The following ACAP3 variants were observed in gnomAD, a reference collection of about 807,000 sequenced individuals.
The protein encoded by ACAP3 is ArfGAP with coiled-coil, ankyrin repeat and PH domains 3, also known as arf-GAP with coiled-coil, ANK repeat and PH domain-containing protein 3.
A neutral mutation model predicts 104.1 loss-of-function variants in ACAP3; 56 were observed. The ratio of observed to expected loss-of-function variants is 0.54; its 90% CI spans 0.43 to 0.67. The LOEUF is 0.67. ACAP3 is among the 30% of genes least tolerant of loss of function. The pLI is 0.00. For missense variants in ACAP3, 1,208 were observed against 1,174.9 expected, an observed-to-expected ratio of 1.03 and a Z score of -0.41; for synonymous variants, 628 against 496.2, an observed-to-expected ratio of 1.27 and a Z score of -3.53.
Position 1,303,642 on chromosome 1 carries a change from T to C in ACAP3, c.106-361A>G. On this transcript the variant is annotated intron_variant, in intron 2 of 23. Coordinates refer to ENST00000354700, the MANE Select transcript of ACAP3 (RefSeq NM_030649.3). The surrounding 1 kb of genome is among the most constrained non-coding windows in gnomAD (Gnocchi z 4.0). ...TCTTTCTCAGCCCATGTGGGGCTCA[T>C]GGACACGGCTCCCCTCTCCACGGCC... 2.4e-6 allele frequency: 1 copy of C among 410,710 alleles called. No homozygotes were observed. Among genetic ancestry groups the C allele is most frequent in the Non-Finnish European group, 4.5e-6 (1 of 224,624 alleles). 25.4% of individuals were successfully genotyped at this position (410,710 alleles called of 1,614,324 possible).
rs1307037435 is a variant in ACAP3, at chr1:1,298,048, C to T, written c.981G>A (p.Glu327=). ...ACAGCACCTCGAAGCAGAACCTCCG[C>T]TCGATGTCCTCACACGGCTTCACAG... ...LCSVKPCEDI[E]RRFCFEVLSP... The change falls in exon 13 of 24, where the codon GAG becomes GAA. Residue 327 remains glutamate (E), a synonymous_variant. Coordinates refer to ENST00000354700, the MANE Select transcript of ACAP3 (RefSeq NM_030649.3). 4.3e-6 allele frequency: 7 copies of T among 1,611,540 alleles called. No homozygotes were observed. The South Asian group carries it at 4.4e-5, about 10-fold the overall frequency.
chr1:1,293,746 A>AGGCCCCGCCCCTGCCCTGGT, intron 23 of ACAP3, 38 bp from the exon 24 acceptor site: 1 of 1,449,580 alleles, frequency 6.9e-7, no homozygotes, highest in Non-Finnish European at 9.0e-7. Flanking sequence ...CCTGCCCTGG[A>AGGCCCCGCCCCTGCCCTGGT]GGCCCCGCCC....
chr1:1,294,639 G>A lies in ACAP3; in HGVS notation c.1913-11C>T, dbSNP rs1248318688. Reference sequence around the variant, plus strand: ...CCGACTCTGCACCCTCTGTGGGGAGGGGGCGGTCAGGGAAAGCAACCCCCG... The same window carrying A: ...CCGACTCTGCACCCTCTGTGGGGAGAGGGCGGTCAGGGAAAGCAACCCCCG... On this transcript the variant is annotated splice_polypyrimidine_tract_variant and intron_variant, in intron 20 of 23. Transcript: ENST00000354700. 7 of 1,529,364 alleles carry A rather than the reference G, an allele frequency of 4.6e-6. 1 individual carries two copies. In the South Asian group the frequency reaches 6.1e-5, roughly 13 times the overall value. The allele number at this position is 1,529,364 out of a possible 1,614,324, so 94.7% of individuals were successfully genotyped here.
Position 1,294,728 on chromosome 1 carries a change from G to T in ACAP3, c.1902C>A (p.Val634=). The part of the protein sequence containing the change: ...AFGSGSVVDS[V]TEEEGAESEE... ...CAAGACGCCACCCACCCTCCTCAGTGACGCTGTCCACCACAGAGCCCGAGC... is the reference window on the plus strand; with the variant it reads ...CAAGACGCCACCCACCCTCCTCAGTTACGCTGTCCACCACAGAGCCCGAGC... Residue 634 remains valine (V), a synonymous_variant, in exon 20 of 24, where the codon GTC becomes GTA. Transcript: ENST00000354700. 6.5e-7 allele frequency: 1 copy of T among 1,549,640 alleles called. No individual in the cohort carries two copies. The highest frequency in any genetic ancestry group is 8.7e-7 in the Non-Finnish European group (1 of 1,146,650).
Position 1,294,080 on chromosome 1 carries a change from C to A in ACAP3, c.2249+10G>T. The A allele has an allele frequency of 3.2e-6, 5 of 1,556,560 alleles. No individual in the cohort carries two copies. Among genetic ancestry groups the A allele is most frequent in the Middle Eastern group, 1.7e-4 (1 of 5,942 alleles). On this transcript the variant is annotated intron_variant, in intron 22 of 23. Transcript: ENST00000354700. ...GGGGCACAGGGCGGGGCGTGGGTTGCGCGTCTCACCCGGTGCGGCCCAGCA... is the reference window on the plus strand; with the variant it reads ...GGGGCACAGGGCGGGGCGTGGGTTGAGCGTCTCACCCGGTGCGGCCCAGCA...
chr1:1,307,673 C>A, intron 1 of ACAP3, 96 bp downstream of exon 1: 1 of 1,033,038 alleles, frequency 9.7e-7, no homozygotes, highest in Non-Finnish European at 1.2e-6. Context: ...CGGCCGCGGC[C>A]CGGCCCGGCG....
chr1:1,300,256 C>A, intron 6 of ACAP3, 54 bp from the exon 7 acceptor site: 1 of 1,540,392 alleles, frequency 6.5e-7, no homozygotes. Flanking sequence ...AGCCCCAAGC[C>A]CTGCACCTGC....
At chr1:1,295,612 C>T in intron 18 of ACAP3, 58 bp from the exon 19 acceptor site, 2 of 1,580,700 alleles carry the variant, frequency 1.3e-6, no homozygotes, top group Non-Finnish European at 1.7e-6. Context: ...GCAGGGAACC[C>T]CAGGTCACGC....
At chr1:1,298,957 G>C (rs1004221908) in intron 10 of ACAP3, 46 of 548,322 alleles carry the variant, frequency 8.4e-5, no homozygotes, top group African/African-American at 8.4e-4. Context: ...AGCAGGCTGC[G>C]ATCAGGAAGG....
chr1:1,296,614 G>A lies in ACAP3; in HGVS notation c.1148C>T (p.Ser383Phe). The A allele has an allele frequency of 1.3e-6, 2 of 1,537,550 alleles. No homozygotes were observed. Among genetic ancestry groups the A allele is most frequent in the African/African-American group, 1.4e-5 (1 of 73,110 alleles). ...CYSERLDRTA[S>F]PSTSSIDSAT... Reference sequence around the variant, plus strand: ...GGAGTCGATGCTGCTCGTGGACGGGGATGCTGTGCGGTCCAGCCTCTGGAG... The same window carrying A: ...GGAGTCGATGCTGCTCGTGGACGGGAATGCTGTGCGGTCCAGCCTCTGGAG... Residue 383 changes from serine (S) to phenylalanine (F), a missense_variant, in exon 15 of 24, where the codon TCC becomes TTC. Transcript: ENST00000354700.
In ACAP3 at chr1:1,298,378, T is replaced by G. The variant is rs774049728; in HGVS notation, c.907A>C (p.Lys303Gln). Residue 303 changes from lysine to glutamine, a missense_variant, in exon 12 of 24, where the codon AAG becomes CAG. Physicochemically the swap from Lys to Gln is moderately conservative, Grantham distance 53. Transcript: ENST00000354700. ...CCAGGCCCAGGGCACACCTTGAGCT[T>G]CTTCTGGTAGACCAGCTGGCTGTTC... is the stretch of plus-strand genomic sequence containing the variant. ...IQNSQLVYQK[K>Q]LKDALTVVVD... 20 of 1,603,840 alleles carry G rather than the reference T, an allele frequency of 1.2e-5. No homozygotes were observed. The highest frequency in any genetic ancestry group is 5.4e-5 in the African/African-American group (4 of 74,514).
chr1:1,294,329 G>A, intron 21 of ACAP3, 73 bp downstream of exon 21: 2 of 1,517,710 alleles, frequency 1.3e-6, no homozygotes, highest in Admixed American at 4.2e-5. Flanking sequence ...GGCGACCCTT[G>A]TGTGGGCGCC....
At position 1,294,522 on chromosome 1, in the gene ACAP3, G is replaced by C. The variant is rs1467968072; in HGVS notation, c.2019C>G (p.His673Gln). 6.7e-7 allele frequency: 1 copy of C among 1,502,798 alleles called. No individual in the cohort carries two copies. The highest frequency in any genetic ancestry group is 8.8e-7 in the Non-Finnish European group (1 of 1,135,670). The allele number at this position is 1,502,798 out of a possible 1,614,324, so 93.1% of individuals were successfully genotyped here. A position where few individuals can be genotyped will look rare whatever the true frequency, so the allele number is the denominator to read the frequency against. The part of the protein sequence containing the change: ...VRELHPGLLA[H>Q]RAARARDLPA... ...GAAGGTCGCGGGCACGCGCTGCGCG[G>C]TGCGCCAAGAGCCCCGGGTGCAGCT... Residue 673 changes from histidine to glutamine, a missense_variant, in exon 21 of 24, where the codon CAC (histidine) becomes CAG (glutamine). His to Gln is a conservative substitution (Grantham distance 24). Transcript: ENST00000354700.
At chr1:1,300,368 TC>T (rs1055320120) in intron 6 of ACAP3, 140 bp downstream of exon 6, 1 of 1,231,570 alleles carries the variant, frequency 8.1e-7, no homozygotes, top group Non-Finnish European at 1.1e-6. Context: ...CTGGACTGCT[TC>T]CCCATGTCTG....
intron 1 of ACAP3, chr1:1,306,935 C>G (rs1641742690): frequency 2.6e-6 from 1 of 381,962 alleles, no homozygotes; most frequent in African/African-American, 2.1e-5. Context: ...GAAGCAAGCA[C>G]AGCCCCGTGG....
intron 10 of ACAP3, 86 bp from the exon 11 acceptor site, chr1:1,298,765 G>A: frequency 9.7e-7 from 1 of 1,036,254 alleles, no homozygotes; most frequent in South Asian, 1.3e-5. Flanking sequence ...GTGGGGGTGA[G>A]GTCCTTGTCT....
Position 1,302,028 on chromosome 1 carries a change from G to T in ACAP3, c.298C>A (p.Gln100Lys). ...NYHMILFDQA[Q>K]RSVRQQLQSF... ...TGGAGCTGCTGCCGCACGGACCTCT[G>T]GGCCTGGTCAAACAGGATCTGGGGG... Residue 100 changes from glutamine (Q) to lysine (K), a missense_variant, in exon 5 of 24, where the codon CAG becomes AAG. Gln to Lys is a moderately conservative substitution (Grantham distance 53, BLOSUM62 1). Coordinates refer to ENST00000354700, the MANE Select transcript of ACAP3 (RefSeq NM_030649.3). 1.3e-6 allele frequency: 2 copies of T among 1,565,426 alleles called. No homozygotes were observed. The highest frequency in any genetic ancestry group is 1.7e-6 in the Non-Finnish European group (2 of 1,152,872).
Position 1,298,553 on chromosome 1 carries a change from G to A in ACAP3, c.863+14C>T, listed in dbSNP as rs776978250. 2.6e-6 allele frequency: 4 copies of A among 1,511,250 alleles called. No individual in the cohort carries two copies. Among genetic ancestry groups the A allele is most frequent in the Non-Finnish European group, 3.6e-6 (4 of 1,100,468 alleles). The allele number at this position is 1,511,250 out of a possible 1,614,324, so 93.6% of individuals were successfully genotyped here. On this transcript the variant is annotated intron_variant, in intron 11 of 23. Coordinates refer to ENST00000354700, the MANE Select transcript of ACAP3 (RefSeq NM_030649.3). ...GCCTAAGGACCCCGCCCCCACCTGA[G>A]GAAGGCCTCTCACCGGTTCCATGTC...
rs375269743 is a variant in ACAP3, at chr1:1,304,112, C to A, written c.79G>T (p.Val27Leu). The A allele has an allele frequency of 2.9e-4, 449 of 1,550,634 alleles. No individual in the cohort carries two copies. Among genetic ancestry groups the A allele is most frequent in the Non-Finnish European group, 3.8e-4 (433 of 1,146,902 alleles). ...TTGTCCAGTTTGGCCTCAATCTCCA[C>A]CACGTCCGTCTCCACCTCGTCAATG... ...ATIDEVETDVVEIEAKLDKLV... is the reference protein window; with the variant it reads ...ATIDEVETDVLEIEAKLDKLV... Residue 27 changes from valine to leucine, a missense_variant, in exon 2 of 24, where the codon GTG becomes TTG. Physicochemically the swap from Val to Leu is conservative, Grantham distance 32. Coordinates refer to ENST00000354700, the MANE Select transcript of ACAP3 (RefSeq NM_030649.3).
Sources: gnomAD v4.1 joint callset for allele counts on GRCh38, gnomAD v4.1.1 for gene constraint, Gnocchi (gnomAD v3.1) non-coding constraint, MANE v1.5 for transcripts, NCBI Gene and HGNC (gene_info 2026-07-23, HGNC 2026-07-21) for gene names.